DDX17: variants seen among roughly 807,000 people sequenced by gnomAD.
The protein encoded by DDX17 is DEAD-box helicase 17, also known as probable ATP-dependent RNA helicase DDX17.
A neutral mutation model predicts 80.8 loss-of-function variants in DDX17; 10 were observed. The ratio of observed to expected loss-of-function variants is 0.12; its 90% CI spans 0.08 to 0.21. The LOEUF is 0.21. DDX17 is among the 10% of genes least tolerant of loss of function. DDX17 has a pLI of 1.00. For missense variants in DDX17, 586 were observed against 957.4 expected, an observed-to-expected ratio of 0.61 and a Z score of 5.12; for synonymous variants, 339 against 336.2, an observed-to-expected ratio of 1.01 and a Z score of -0.09.
chr22:38,499,089 T>C (rs747289604), intron 3 of DDX17, among the ~76,000 whole-genome samples: 13 of 152,224 alleles, frequency 8.5e-5, no homozygotes, highest in Non-Finnish European at 1.3e-4. Context: ...CTAAAGCATC[T>C]AACAGGACAT....
intron 11 of DDX17, 38 bp from the exon 12 acceptor site, chr22:38,488,153 T>C: frequency 1.9e-6 from 3 of 1,612,538 alleles, no homozygotes. Context: ...TAGGTTGATG[T>C]GGCAGGGAAA....
At chr22:38,495,597 A>G (rs1340420683) in intron 6 of DDX17, among the ~76,000 whole-genome samples, 199 bp downstream of exon 6, 3 of 152,182 alleles carry the variant, frequency 2.0e-5, no homozygotes, top group Admixed American at 2.0e-4. Context: ...GGACTTATGT[A>G]CAATCACCAA....
intron 9 of DDX17, 121 bp downstream of exon 9, chr22:38,493,900 T>C (rs2089736610): frequency 8.2e-7 from 1 of 1,216,582 alleles, no homozygotes; most frequent in Non-Finnish European, 1.2e-6. Flanking sequence ...ACTGTGCTCA[T>C]TAAAAGAGCA....
intron 11 of DDX17, chr22:38,488,491 TAA>T (rs1446803044): frequency 1.7e-5 from 18 of 1,086,308 alleles, no homozygotes; most frequent in Non-Finnish European, 3.4e-6. Flanking sequence ...AACAAAGTGG[TAA>T]ACCACTGTGA....
At chr22:38,499,353 T>C (rs1413645479) in intron 3 of DDX17, 47 bp downstream of exon 3, 2 of 1,479,104 alleles carry the variant, frequency 1.4e-6, no homozygotes, top group East Asian at 2.3e-5. Context: ...TTGTCTCCCA[T>C]TCAACCCAAT....
At chr22:38,497,911 A>G (rs913829893) in intron 5 of DDX17, among the ~76,000 whole-genome samples, 174 bp downstream of exon 5, 1 of 152,214 alleles carries the variant, frequency 6.6e-6, no homozygotes. Flanking sequence ...CAGCTATTCA[A>G]TTGCTGAGTG....
At position 38,505,986 on chromosome 22, in the gene DDX17, G is replaced by A; in HGVS notation, c.252C>T (p.Gly84=). The A allele has an allele frequency of 6.3e-7, 1 of 1,592,194 alleles. No homozygotes were observed. Among genetic ancestry groups the A allele is most frequent in the South Asian group, 1.1e-5 (1 of 87,752 alleles). ...CACGATCCCGGTCCCGGTCCCCAAA[G>A]CCTCCTCCGCGCATGGTCCCAAAAG... is the stretch of plus-strand genomic sequence containing the variant. The change falls in exon 1 of 13, where the codon GGC becomes GGT. Residue 84 remains glycine (G), a synonymous_variant. Coordinates refer to ENST00000403230, the MANE Select transcript of DDX17 (RefSeq NM_006386.5).
Position 38,506,034 on chromosome 22 carries a change from A to G in DDX17, c.204T>C (p.Arg68=), listed in dbSNP as rs1209689166. The G allele has an allele frequency of 6.3e-7, 1 of 1,588,484 alleles. No individual in the cohort carries two copies. Among genetic ancestry groups the G allele is most frequent in the Non-Finnish European group, 8.6e-7 (1 of 1,168,260 alleles). Residue 68 remains arginine, a synonymous_variant, in exon 1 of 13, where the codon CGT becomes CGC. Coordinates refer to ENST00000403230, the MANE Select transcript of DDX17 (RefSeq NM_006386.5). ...AAGGATAGAGATCTGGGAGCGGGGC[A>G]CGGATGGCCGGGCTCGGGAGGGCCT...
chr22:38,490,964 G>A (rs2089708112), intron 11 of DDX17: 1 of 154,356 alleles, frequency 6.5e-6, no homozygotes, highest in African/African-American at 2.4e-5. Context: ...TAGGCAAGAT[G>A]CACAAAGAAG....
At chr22:38,495,443 C>T (rs1232917607) in intron 6 of DDX17, among the ~76,000 whole-genome samples, 1 of 152,096 alleles carries the variant, frequency 6.6e-6, no homozygotes, top group African/African-American at 2.4e-5. Flanking sequence ...GACGGGGTTT[C>T]ACCATGTTAG....
Position 38,505,741 on chromosome 22 carries a change from G to A in DDX17, c.287+210C>T, listed in dbSNP as rs549429710. On this transcript the variant is annotated intron_variant, in intron 1 of 12. Transcript: ENST00000403230. ...GCCACGACGGCCGTCCGCACGGAGA[G>A]GCCCAGCGTCGCCAAGCGGCCGCCC... 23 of 583,330 alleles carry A rather than the reference G, an allele frequency of 3.9e-5. No homozygotes were observed. In the East Asian group the frequency reaches 6.1e-4, roughly 15 times the overall value. The allele number at this position is 583,330 out of a possible 1,614,324, so 36.1% of individuals were successfully genotyped here. A position where few individuals can be genotyped will look rare whatever the true frequency, so the allele number is the denominator to read the frequency against.
chr22:38,498,797 AG>A (rs1397404755), intron 3 of DDX17, among the ~76,000 whole-genome samples: 1 of 152,158 alleles, frequency 6.6e-6, no homozygotes, highest in Admixed American at 6.6e-5. Flanking sequence ...GGCTGAGGCC[AG>A]TGGAGGCCAG....
chr22:38,487,936 C>T lies in DDX17; in HGVS notation c.1627G>A (p.Ala543Thr). The T allele has an allele frequency of 6.2e-7, 1 of 1,614,234 alleles. No individual in the cohort carries two copies. The highest frequency in any genetic ancestry group is 8.5e-7 in the Non-Finnish European group (1 of 1,180,046). ...AGCTGCATCAGTTTTGGATTGATAGCCTGATTGGCCTCTTCCAGCACTTTG... is the reference window on the plus strand; with the variant it reads ...AGCTGCATCAGTTTTGGATTGATAGTCTGATTGGCCTCTTCCAGCACTTTG... Residue 543 changes from alanine (A) to threonine (T), a missense_variant, in exon 12 of 13, where the codon GCT becomes ACT. By Grantham distance (58) the Ala-to-Thr change is moderately conservative. Around this residue, in one of 4 missense-constraint regions of DDX17, gnomAD observed 221 missense variants for 261.4 expected, o/e 0.85. Transcript: ENST00000403230.
intron 12 of DDX17, among the ~76,000 whole-genome samples, chr22:38,487,558 G>A (rs1162836054): frequency 6.6e-6 from 1 of 152,174 alleles, no homozygotes; most frequent in Admixed American, 6.6e-5. Context: ...GGCAGAGGTT[G>A]CAATGAGCTG....
At chr22:38,505,422 A>T (rs567277807) in intron 1 of DDX17, 1 of 153,016 alleles carries the variant, frequency 6.5e-6, no homozygotes, top group Non-Finnish European at 1.5e-5. Flanking sequence ...ATTAAAATCT[A>T]TTTCTAAAAA....
chr22:38,486,540 T>A (rs567506408), intron 12 of DDX17, 100 bp from the exon 13 acceptor site: 2 of 1,430,176 alleles, frequency 1.4e-6, no homozygotes, highest in Admixed American at 5.9e-5. Context: ...ACATGTCTCC[T>A]TGATATTTAG....
chr22:38,488,527 ACT>A (rs1164127322), intron 11 of DDX17: 4 of 1,024,824 alleles, frequency 3.9e-6, no homozygotes, highest in Non-Finnish European at 4.7e-6. Flanking sequence ...AATCACTTCT[ACT>A]CTGTTGGGAG....
Position 38,485,944 on chromosome 22 carries a change from T to A in DDX17, c.2181A>T (p.Ser727=). 6.2e-7 allele frequency: 1 copy of A among 1,612,054 alleles called. No homozygotes were observed. ...TACCACTTGAGTGGTTTCATTTACG[T>A]GAAGGAGGAGGAGGGGGAGGAGGAG... The change falls in exon 13 of 13, where the codon TCA becomes TCT. Residue 727 remains serine, a synonymous_variant. Transcript: ENST00000403230.
At chr22:38,498,997 G>A (rs1440508584) in intron 3 of DDX17, among the ~76,000 whole-genome samples, 2 of 152,144 alleles carry the variant, frequency 1.3e-5, no homozygotes, top group African/African-American at 2.4e-5. Context: ...GGGTGACAAC[G>A]TTGAGACTCC....
Sources: allele counts gnomAD v4.1 joint callset (sites outside exome capture counted in the v4.1 genomes callset), GRCh38; gene constraint gnomAD v4.1.1; regional missense constraint gnomAD v4.1.1; transcripts MANE v1.5; gene names NCBI Gene and HGNC (gene_info 2026-07-23, HGNC 2026-07-21).